The following CADM2 variants were observed in gnomAD, a reference collection of about 807,000 sequenced individuals.
CADM2 encodes cell adhesion molecule 2, also known as immunoglobulin superfamily member 4D.
A neutral mutation model predicts 49.8 loss-of-function variants in CADM2; 12 were observed. That is an observed-to-expected ratio of 0.24 (90% confidence interval 0.15 to 0.39). The LOEUF (loss-of-function observed/expected upper bound fraction) is 0.39. Ranked by LOEUF, CADM2 falls within the 10% of genes least tolerant of loss-of-function variation. The pLI is 1.00. For missense variants in CADM2, 378 were observed against 492.3 expected (o/e 0.77, Z 2.20); for synonymous variants, 214 against 175.4 (o/e 1.22, Z -1.74).
intron 1 of CADM2, among the ~76,000 whole-genome samples, chr3:85,568,789 G>C (rs753707870): frequency 6.6e-6 from 1 of 151,172 alleles, no homozygotes; most frequent in Non-Finnish European, 1.5e-5. Flanking sequence ...TGTATTTTTA[G>C]TGGAGATGGG....
At chr3:85,839,118 A>G (rs963862669) in intron 3 of CADM2, among the ~76,000 whole-genome samples, 4 of 151,792 alleles carry the variant, frequency 2.6e-5, no homozygotes, top group Non-Finnish European at 5.9e-5. Context: ...TCTTCCCTGA[A>G]GCAAATTTAA....
At chr3:85,244,695 T>C (rs1404958033) in intron 1 of CADM2, among the ~76,000 whole-genome samples, 2 of 152,148 alleles carry the variant, frequency 1.3e-5, no homozygotes, top group South Asian at 2.1e-4. Flanking sequence ...AACTCCTTTA[T>C]AGGACTCCAG....
intron 1 of CADM2, among the ~76,000 whole-genome samples, chr3:85,583,827 C>T (rs2062861069): frequency 6.6e-6 from 1 of 151,558 alleles, no homozygotes; most frequent in African/African-American, 2.4e-5. Flanking sequence ...TAAAGAGAAC[C>T]ATTCAAAAAT....
intron 1 of CADM2, among the ~76,000 whole-genome samples, chr3:85,633,183 A>G (rs1276767486): frequency 1.3e-5 from 2 of 152,024 alleles, no homozygotes; most frequent in African/African-American, 4.8e-5. Flanking sequence ...ATTACTGAGT[A>G]ATATTTGTGG....
rs185044469 is a variant in CADM2, at chr3:85,344,306, G to A, written c.62-382216G>A. Among the ~76,000 whole-genome samples, 315 of 151,636 alleles carry A rather than the reference G, an allele frequency of 2.1e-3. 3 individuals carry two copies. The highest frequency in any genetic ancestry group is 2.5e-3 in the Non-Finnish European group (169 of 67,918). On this transcript the variant is annotated intron_variant, in intron 1 of 9. Coordinates refer to ENST00000383699, the MANE Select transcript of CADM2 (RefSeq NM_001167675.2). Reference sequence around the variant, plus strand: ...TAAGGCAGGAGAATTGCTTGAACTCGGGAACTGGAGGTTACAGTGAGCAGA... The same window carrying A: ...TAAGGCAGGAGAATTGCTTGAACTCAGGAACTGGAGGTTACAGTGAGCAGA...
chr3:85,909,135 G>A (rs1319988845), intron 5 of CADM2, among the ~76,000 whole-genome samples: 5 of 152,062 alleles, frequency 3.3e-5, no homozygotes, highest in Non-Finnish European at 5.9e-5. Flanking sequence ...TTTTGATGTA[G>A]AGCATTTCCT....
intron 8 of CADM2, among the ~76,000 whole-genome samples, chr3:86,049,439 T>A (rs1300353126): frequency 1.3e-5 from 2 of 151,850 alleles, no homozygotes; most frequent in East Asian, 3.9e-4. Context: ...CACGCCCGGC[T>A]AATTTTTTGT....
intron 1 of CADM2, among the ~76,000 whole-genome samples, chr3:85,322,897 C>A (rs1370178214): frequency 6.6e-6 from 1 of 152,080 alleles, no homozygotes; most frequent in Non-Finnish European, 1.5e-5. Context: ...ATAGATAAAA[C>A]CACTTGCATA....
intron 1 of CADM2, among the ~76,000 whole-genome samples, chr3:85,283,085 G>T (rs1358942486): frequency 6.6e-6 from 1 of 151,904 alleles, no homozygotes; most frequent in Admixed American, 6.6e-5. Context: ...TGTATATTGA[G>T]ATGTATATTT....
chr3:86,060,350 T>G lies in CADM2; in HGVS notation c.971-5255T>G, dbSNP rs183593676. On this transcript the variant is annotated intron_variant, in intron 8 of 9. Coordinates refer to ENST00000383699, the MANE Select transcript of CADM2 (RefSeq NM_001167675.2). The stretch of plus-strand genomic sequence containing the variant: ...CTTTCCCTAATAGTGATCTATATCC[T>G]AAGACACTACCTCCATTCCATTCAC... 3.2e-3 allele frequency among the ~76,000 whole-genome samples: 480 copies of G among 152,248 alleles called. 4 individuals are homozygous for G. The highest frequency in any genetic ancestry group is 5.3e-3 in the Non-Finnish European group (359 of 68,004).
chr3:85,289,478 T>A (rs1232986510), intron 1 of CADM2, among the ~76,000 whole-genome samples: 2 of 152,224 alleles, frequency 1.3e-5, no homozygotes, highest in Non-Finnish European at 2.9e-5. Context: ...TAAGAAATGT[T>A]GATTATCTGG....
At chr3:85,359,668 T>TATATATATATATATA (rs1559799260) in intron 1 of CADM2, among the ~76,000 whole-genome samples, 41 of 22,438 alleles carry the variant, frequency 1.8e-3, no homozygotes, top group East Asian at 0.018. Flanking sequence ...ATATATATAT[T>TATATATATATATATA]TTTTTTTTTG....
intron 1 of CADM2, among the ~76,000 whole-genome samples, chr3:85,687,809 A>T (rs541559437): frequency 2.5e-4 from 38 of 152,322 alleles, no homozygotes; most frequent in Non-Finnish European, 4.9e-4. Context: ...ACTGCTTGCC[A>T]TGGACCAGTA....
intron 8 of CADM2, among the ~76,000 whole-genome samples, chr3:86,060,649 G>C (rs1409520589): frequency 6.6e-6 from 1 of 152,064 alleles, no homozygotes; most frequent in Non-Finnish European, 1.5e-5. Context: ...TTTATTAGCA[G>C]CATGATAACA....
intron 1 of CADM2, among the ~76,000 whole-genome samples, chr3:85,208,665 T>G (rs2041708304): frequency 6.6e-6 from 1 of 152,162 alleles, no homozygotes; most frequent in African/African-American, 2.4e-5. Context: ...TACATTTAAG[T>G]GGAGACAGGC....
intron 1 of CADM2, among the ~76,000 whole-genome samples, chr3:85,042,098 G>A (rs2035465201): frequency 6.6e-6 from 1 of 151,948 alleles, no homozygotes; most frequent in Admixed American, 6.6e-5. Context: ...CTTCATCAGG[G>A]GCCAAAAATA....
At chr3:85,618,858 T>C (rs1040163309) in intron 1 of CADM2, among the ~76,000 whole-genome samples, 4 of 152,076 alleles carry the variant, frequency 2.6e-5, no homozygotes, top group African/African-American at 7.2e-5. Context: ...ATTTGCAAAA[T>C]AATAATCCAG....
intron 3 of CADM2, among the ~76,000 whole-genome samples, chr3:85,879,960 G>A (rs546762715): frequency 6.4e-4 from 98 of 152,294 alleles, no homozygotes; most frequent in African/African-American, 2.3e-3. Flanking sequence ...CAGAACCACA[G>A]GGATTCCTTC....
chr3:85,534,301 G>A (rs547261435), intron 1 of CADM2, among the ~76,000 whole-genome samples: 2 of 152,142 alleles, frequency 1.3e-5, no homozygotes, highest in South Asian at 4.1e-4. Context: ...CTGACCAGAT[G>A]TAGCTATTTA....
Sources: allele counts gnomAD v4.1 joint callset (sites outside exome capture counted in the v4.1 genomes callset), GRCh38; gene constraint gnomAD v4.1.1; transcripts MANE v1.5; gene names NCBI Gene and HGNC (gene_info 2026-07-23, HGNC 2026-07-21).